ZNF155: variants seen among roughly 807,000 people sequenced by gnomAD.
ZNF155 encodes the protein KRAB A domain.
ZNF155 carries 15 observed loss-of-function variants against 11.9 expected under a neutral mutation model. The observed-to-expected ratio is 1.26, with a 90% CI of 0.84 to 1.94. The LOEUF is 1.94. ZNF155 is among the 30% of genes most tolerant of loss of function. The probability of loss-of-function intolerance (pLI) is 0.00; values close to 1 mark genes in which losing one functional copy is unlikely to be tolerated. For missense variants in ZNF155, 602 were observed against 639.1 expected (o/e 0.94, Z 0.63); for synonymous variants, 212 against 219.9 (o/e 0.96, Z 0.32).
At chr19:43,985,303 C>T (rs1397879742) in intron 1 of ZNF155, among the ~76,000 whole-genome samples, 1 of 151,908 alleles carries the variant, frequency 6.6e-6, no homozygotes, top group African/African-American at 2.4e-5. Context: ...CTAAGTGATC[C>T]GCCTGCCTCG....
Position 43,997,428 on chromosome 19 carries a change from G to A in ZNF155, c.1571G>A (p.Arg524His), listed in dbSNP as rs773353792. Residue 524 changes from arginine (R) to histidine (H), a missense_variant, in exon 5 of 5, where the codon CGC (arginine) becomes CAC (histidine). Physicochemically the swap from Arg to His is conservative, Grantham distance 29. Coordinates refer to ENST00000270014, the MANE Select transcript of ZNF155 (RefSeq NM_198089.3). ...GATTGTGGGAGACGCTACAAGAGGC[G>A]CTTGAATCTGGATATACTTTTATCA... Reference protein sequence around the residue: ...CEDCGRRYKRRLNLDILLSLF... With the variant: ...CEDCGRRYKRHLNLDILLSLF... The A allele has an allele frequency of 4.4e-6, 7 of 1,605,378 alleles. No individual in the cohort carries two copies. In the South Asian group the frequency reaches 4.5e-5, roughly 10 times the overall value.
chr19:43,996,313 G>C lies in ZNF155; in HGVS notation c.456G>C (p.Lys152Asn). 1 of 1,614,208 alleles carries C rather than the reference G, an allele frequency of 6.2e-7. No individual in the cohort carries two copies. The change falls in exon 5 of 5, where the codon AAG becomes AAC. Residue 152 changes from lysine to asparagine, a missense_variant. Lys to Asn is a moderately conservative substitution (Grantham distance 94). Transcript: ENST00000270014. ...HTGQKPSQGG[K>N]CKQSISDVPI... ...GACAGAAACCTTCCCAGGGTGGGAA[G>C]TGTAAACAGTCCATCAGTGATGTTC...
intron 2 of ZNF155, chr19:43,989,081 A>T (rs1005156017): frequency 2.6e-5 from 4 of 152,216 alleles, no homozygotes; most frequent in Non-Finnish European, 4.4e-5. Context: ...AATTTTGAAA[A>T]CCATATGCCA....
chr19:43,986,879 G>A (rs953291321), intron 1 of ZNF155, among the ~76,000 whole-genome samples: 2 of 152,046 alleles, frequency 1.3e-5, no homozygotes, highest in African/African-American at 2.4e-5. Context: ...CAAATTTGCC[G>A]ATTGTTTACA....
In ZNF155 at chr19:43,997,167, A is replaced by G. The variant is rs199726372; in HGVS notation, c.1310A>G (p.Tyr437Cys). Residue 437 changes from tyrosine to cysteine, a missense_variant, in exon 5 of 5, where the codon TAT becomes TGT. By Grantham distance (194) the Tyr-to-Cys change is radical. Transcript: ENST00000270014. ...AAATGTGAGGAGTGTGGGAAGGGCT[A>G]TGTTACTAAGTTTAATCTTGACTTG... ...PYKCEECGKG[Y>C]VTKFNLDLHQ... 10 of 1,614,162 alleles carry G rather than the reference A, an allele frequency of 6.2e-6. 1 individual carries two copies. In the African/African-American group the frequency reaches 6.7e-5, roughly 11 times the overall value.
At chr19:43,986,267 T>C (rs1457186036) in intron 1 of ZNF155, among the ~76,000 whole-genome samples, 1 of 152,132 alleles carries the variant, frequency 6.6e-6, no homozygotes, top group Non-Finnish European at 1.5e-5. Context: ...CCTCCGTTTC[T>C]TTTTAGTCTT....
intron 1 of ZNF155, chr19:43,984,480 T>G (rs1163105997): frequency 1.3e-5 from 2 of 151,740 alleles, no homozygotes; most frequent in Non-Finnish European, 1.5e-5. Flanking sequence ...CTCTGTCTAG[T>G]CTTGTGTGCC....
intron 4 of ZNF155, among the ~76,000 whole-genome samples, chr19:43,995,214 C>T: frequency 6.6e-6 from 1 of 151,824 alleles, no homozygotes; most frequent in Admixed American, 6.6e-5. Flanking sequence ...CAGGTTTAAG[C>T]AATTCTCCTG....
chr19:43,986,951 C>T (rs562407751), intron 1 of ZNF155, among the ~76,000 whole-genome samples: 70 of 152,230 alleles, frequency 4.6e-4, no homozygotes, highest in African/African-American at 1.7e-3. Flanking sequence ...TATCTGTAAC[C>T]AGAGACGATT....
At chr19:43,995,263 C>T (rs1025017694) in intron 4 of ZNF155, among the ~76,000 whole-genome samples, 1 of 152,014 alleles carries the variant, frequency 6.6e-6, no homozygotes, top group East Asian at 1.9e-4. Context: ...AGGCATGTGC[C>T]ACCACACGTG....
chr19:43,991,910 G>A lies in ZNF155; in HGVS notation c.211G>A (p.Ala71Thr). 3 of 1,613,856 alleles carry A rather than the reference G, an allele frequency of 1.9e-6. No homozygotes were observed. Among genetic ancestry groups the A allele is most frequent in the Non-Finnish European group, 2.5e-6 (3 of 1,179,866 alleles). The stretch of plus-strand genomic sequence containing the variant: ...AGAAAAGTTTTGGATGATGGGGACA[G>A]CAACCCAAAGAGAAGGGAATTCAGG... ...REEKFWMMGT[A>T]TQREGNSGGK... Residue 71 changes from alanine (A) to threonine (T), a missense_variant, in exon 4 of 5, where the codon GCA (alanine) becomes ACA (threonine). Ala to Thr is a moderately conservative substitution (Grantham distance 58, BLOSUM62 0). Transcript: ENST00000270014.
Position 43,997,512 on chromosome 19 carries a change from G to A in ZNF155, c.*38G>A. The A allele has an allele frequency of 6.8e-7, 1 of 1,476,282 alleles. No individual in the cohort carries two copies. Among genetic ancestry groups the A allele is most frequent in the Non-Finnish European group, 9.1e-7 (1 of 1,093,054 alleles). The allele number at this position is 1,476,282 out of a possible 1,614,324, so 91.4% of individuals were successfully genotyped here. A position where few individuals can be genotyped will look rare whatever the true frequency, so the allele number is the denominator to read the frequency against. On this transcript the variant is annotated 3_prime_UTR_variant, in exon 5 of 5. Transcript: ENST00000270014. ...ATGGGGTACAACGTGCTATTTTAAT[G>A]TGTGCATACAATTTATAGTGATCCA...
Position 43,988,510 on chromosome 19 carries a change from A to C in ZNF155, c.-34A>C, listed in dbSNP as rs1411020926. ...CTCCTTCATTCAAACTGCATCACCC[A>C]GGAGTCTGCAAATTCCCCAAAGTAG... On this transcript the variant is annotated 5_prime_UTR_variant, in exon 2 of 5. Coordinates refer to ENST00000270014, the MANE Select transcript of ZNF155 (RefSeq NM_198089.3). 2 of 1,606,242 alleles carry C rather than the reference A, an allele frequency of 1.2e-6. No homozygotes were observed. Among genetic ancestry groups the C allele is most frequent in the Non-Finnish European group, 1.7e-6 (2 of 1,175,166 alleles).
At position 43,995,252 on chromosome 19, in the gene ZNF155, C is replaced by T. The variant is rs145754284; in HGVS notation, c.236-841C>T. 3.6e-3 allele frequency among the ~76,000 whole-genome samples: 542 copies of T among 152,210 alleles called. 5 individuals carry two copies. The highest frequency in any genetic ancestry group is 0.013 in the African/African-American group (523 of 41,526). ...TCAGCCTCCTGAGTAGCTGGGACTA[C>T]AGGCATGTGCCACCACACGTGGCTA... On this transcript the variant is annotated intron_variant, in intron 4 of 4. Transcript: ENST00000270014.
intron 1 of ZNF155, among the ~76,000 whole-genome samples, chr19:43,985,263 G>T (rs1472206055): frequency 6.6e-6 from 1 of 151,874 alleles, no homozygotes; most frequent in South Asian, 2.1e-4. Flanking sequence ...GTTTCACCAT[G>T]TTGGCCAGGC....
At chr19:43,991,969 A>T in intron 4 of ZNF155, 35 bp downstream of exon 4, 1 of 1,577,832 alleles carries the variant, frequency 6.3e-7, no homozygotes, top group South Asian at 1.1e-5. Flanking sequence ...CTTGTACCTG[A>T]CTCTCCCACC....
chr19:43,995,108 CTTT>C (rs34395661), intron 4 of ZNF155, among the ~76,000 whole-genome samples: 1 of 144,942 alleles, frequency 6.9e-6, no homozygotes, highest in Admixed American at 6.9e-5. Context: ...GTTAGGTTAA[CTTT>C]TTTTTTTTTT....
rs1270604637 is a variant in ZNF155, at chr19:43,991,793, A to G, written c.143-49A>G. On this transcript the variant is annotated intron_variant, in intron 3 of 4. Transcript: ENST00000270014. ...AATAGCCAGTAAATTTTGCCTAAATATTACCCAGAATGTGTTGGGATTCAG... is the reference window on the plus strand; with the variant it reads ...AATAGCCAGTAAATTTTGCCTAAATGTTACCCAGAATGTGTTGGGATTCAG... 6 of 1,606,568 alleles carry G rather than the reference A, an allele frequency of 3.7e-6. No homozygotes were observed. The African/African-American group carries it at 5.4e-5, about 14-fold the overall frequency.
rs762915120 is a variant in ZNF155, at chr19:43,996,705, C to G, written c.848C>G (p.Thr283Ser). Reference protein sequence around the residue: ...SQLKEHKRIHTGEKPFKCDIC... With the variant: ...SQLKEHKRIHSGEKPFKCDIC... Reference sequence around the variant, plus strand: ...CTTAAGGAACATAAGAGAATCCATACTGGGGAGAAACCATTCAAATGTGAT... The same window carrying G: ...CTTAAGGAACATAAGAGAATCCATAGTGGGGAGAAACCATTCAAATGTGAT... Residue 283 changes from threonine (T) to serine (S), a missense_variant, in exon 5 of 5, where the codon ACT becomes AGT. Thr to Ser is a moderately conservative substitution (Grantham distance 58). Transcript: ENST00000270014. 6.2e-7 allele frequency: 1 copy of G among 1,613,802 alleles called. No individual in the cohort carries two copies. The highest frequency in any genetic ancestry group is 2.2e-5 in the East Asian group (1 of 44,864).
Sources: allele counts gnomAD v4.1 joint callset (sites outside exome capture counted in the v4.1 genomes callset), GRCh38; gene constraint gnomAD v4.1.1; transcripts MANE v1.5; gene names NCBI Gene and HGNC (gene_info 2026-07-23, HGNC 2026-07-21).